JAK2: variants seen among roughly 807,000 people sequenced by gnomAD.
The protein encoded by JAK2 is Janus kinase 2.
A neutral mutation model predicts 139.3 loss-of-function variants in JAK2; 86 were observed. The observed-to-expected ratio is 0.62, with a 90% CI of 0.52 to 0.74. JAK2 has a LOEUF of 0.74. Ranked by LOEUF, JAK2 falls within the 30% of genes least tolerant of loss-of-function variation. JAK2 has a pLI of 0.00. For missense variants in JAK2, 1,421 were observed against 1,360.3 expected (o/e 1.04, Z -0.70); for synonymous variants, 490 against 437.7 (o/e 1.12, Z -1.49).
At chr9:5,053,283 G>A (rs1286718733) in intron 6 of JAK2, among the ~76,000 whole-genome samples, 5 of 152,010 alleles carry the variant, frequency 3.3e-5, no homozygotes, top group Non-Finnish European at 1.5e-5. Context: ...CTGTAGAGAA[G>A]TGTCTATTTG....
At chr9:5,041,666 C>G in intron 4 of JAK2, 3 of 509,840 alleles carry the variant, frequency 5.9e-6, no homozygotes, top group South Asian at 4.5e-5. Flanking sequence ...TGCGGAAGCT[C>G]TCCAGCTACC....
rs768465183 is a variant in JAK2, at chr9:5,089,701, C to T, written c.2599C>T (p.Arg867Trp). Reference protein sequence around the residue: ...KGNFGSVEMCRYDPLQDNTGE... With the variant: ...KGNFGSVEMCWYDPLQDNTGE... The stretch of plus-strand genomic sequence containing the variant: ...TAATTTTGGGAGTGTGGAGATGTGC[C>T]GGTATGACCCTCTACAGGACAACAC... The change falls in exon 20 of 25, where the codon CGG becomes TGG. Residue 867 changes from arginine to tryptophan, a missense_variant. Coordinates refer to ENST00000381652, the MANE Select transcript of JAK2 (RefSeq NM_004972.4). 3.4e-6 allele frequency: 5 copies of T among 1,462,974 alleles called. No individual in the cohort carries two copies. Among genetic ancestry groups the T allele is most frequent in the East Asian group, 2.6e-5 (1 of 38,346 alleles). The allele number at this position is 1,462,974 out of a possible 1,614,324, so 90.6% of individuals were successfully genotyped here.
intron 22 of JAK2, chr9:5,100,366 C>T (rs1821375244): frequency 6.6e-6 from 1 of 152,186 alleles, no homozygotes; most frequent in Non-Finnish European, 1.5e-5. Flanking sequence ...ACTCTTTTAA[C>T]CCTAGGCCTA....
At chr9:4,984,438 C>G (rs1819827589), upstream of JAK2, 1 of 152,286 alleles carries the variant, frequency 6.6e-6, no homozygotes, top group Non-Finnish European at 1.5e-5. Context: ...TGTTTCTCCT[C>G]TAGGAGAAAC....
At chr9:5,037,787 C>T (rs1816172517) in intron 4 of JAK2, among the ~76,000 whole-genome samples, 1 of 152,122 alleles carries the variant, frequency 6.6e-6, no homozygotes, top group Non-Finnish European at 1.5e-5. Flanking sequence ...AGCACACCAA[C>T]ATGGCACATG....
At chr9:5,037,910 A>G (rs1003437002) in intron 4 of JAK2, among the ~76,000 whole-genome samples, 3 of 152,150 alleles carry the variant, frequency 2.0e-5, no homozygotes, top group African/African-American at 7.2e-5. Flanking sequence ...TCAAATAAAC[A>G]TAAGGTTAGT....
chr9:5,060,498 C>T (rs1350010593), intron 8 of JAK2, among the ~76,000 whole-genome samples: 2 of 152,188 alleles, frequency 1.3e-5, no homozygotes, highest in South Asian at 2.1e-4. Flanking sequence ...AGCATCTTCA[C>T]CCAGGACTAG....
chr9:5,064,540 AG>A (rs1818434798), intron 8 of JAK2, among the ~76,000 whole-genome samples: 1 of 151,876 alleles, frequency 6.6e-6, no homozygotes, highest in Admixed American at 6.6e-5. Flanking sequence ...AAAAAAAAAA[AG>A]AAAAAAGGAA....
intron 3 of JAK2, among the ~76,000 whole-genome samples, chr9:5,029,534 GAA>G (rs1309497551): frequency 2.0e-5 from 3 of 151,966 alleles, no homozygotes; most frequent in Non-Finnish European, 4.4e-5. Context: ...ATTTTGTAAA[GAA>G]AAAAACCCCA....
intron 2 of JAK2, among the ~76,000 whole-genome samples, chr9:4,991,847 T>G (rs1820273710): frequency 6.6e-6 from 1 of 152,192 alleles, no homozygotes; most frequent in South Asian, 2.1e-4. Flanking sequence ...TCATCCCCTT[T>G]GCCTTCAAGG....
intron 2 of JAK2, among the ~76,000 whole-genome samples, chr9:5,020,748 G>C (rs1424637034): frequency 6.6e-6 from 1 of 152,174 alleles, no homozygotes; most frequent in Non-Finnish European, 1.5e-5. Flanking sequence ...GGGAGCAGTG[G>C]GGTTATTGCC....
chr9:4,989,591 G>A (rs983327959), intron 2 of JAK2, among the ~76,000 whole-genome samples: 8 of 152,166 alleles, frequency 5.3e-5, no homozygotes, highest in African/African-American at 1.9e-4. Context: ...GTATTCAAAA[G>A]AGAAATAAAG....
intron 2 of JAK2, among the ~76,000 whole-genome samples, chr9:5,018,182 C>G (rs1362989861): frequency 2.0e-5 from 3 of 151,954 alleles, no homozygotes; most frequent in African/African-American, 7.2e-5. Context: ...TCTTTTCTTT[C>G]TCTCATATTG....
intron 18 of JAK2, among the ~76,000 whole-genome samples, chr9:5,081,278 T>G (rs1819684605): frequency 6.6e-6 from 1 of 152,118 alleles, no homozygotes; most frequent in African/African-American, 2.4e-5. Context: ...TTGCTTAAAT[T>G]GACTTTTAAA....
chr9:5,036,307 T>A (rs1414345548), intron 4 of JAK2, among the ~76,000 whole-genome samples: 3 of 152,160 alleles, frequency 2.0e-5, no homozygotes, highest in Non-Finnish European at 2.9e-5. Flanking sequence ...CTGCCCAAAG[T>A]CCTTTATGGA....
intron 22 of JAK2, chr9:5,111,737 C>A: frequency 2.3e-6 from 1 of 428,242 alleles, no homozygotes. Flanking sequence ...CGTGGGCTAC[C>A]GGCTGCACGG....
intron 5 of JAK2, 29 bp downstream of exon 5, chr9:5,044,549 G>A (rs372478714): frequency 2.3e-6 from 3 of 1,277,416 alleles, no homozygotes; most frequent in African/African-American, 3.0e-5. Context: ...ACTTGTACAT[G>A]AGTTAAATGA....
At chr9:5,042,030 G>T in intron 4 of JAK2, 1 of 313,698 alleles carries the variant, frequency 3.2e-6, no homozygotes. Flanking sequence ...CCAGACGCTG[G>T]CTGGAAGCCA....
At chr9:5,055,995 C>T (rs534655261) in intron 8 of JAK2, among the ~76,000 whole-genome samples, 1 of 151,974 alleles carries the variant, frequency 6.6e-6, no homozygotes, top group Non-Finnish European at 1.5e-5. Context: ...GTTTCTTGTA[C>T]ATTACTGTAC....
Sources: allele counts gnomAD v4.1 joint callset (sites outside exome capture counted in the v4.1 genomes callset), GRCh38; gene constraint gnomAD v4.1.1; transcripts MANE v1.5; gene names NCBI Gene and HGNC (gene_info 2026-07-23, HGNC 2026-07-21).